CBLIF: variants seen among roughly 807,000 people sequenced by gnomAD.
CBLIF encodes cobalamin binding intrinsic factor, also known as gastric intrinsic factor (vitamin B synthesis).
CBLIF carries 24 observed loss-of-function variants against 44.9 expected under a neutral mutation model. The ratio of observed to expected loss-of-function variants is 0.53; its 90% CI spans 0.39 to 0.75. The LOEUF is 0.75. Ranked by LOEUF, CBLIF falls within the 30% of genes least tolerant of loss-of-function variation. The pLI, the probability that CBLIF is intolerant of heterozygous loss-of-function variation, is 0.00. For missense variants in CBLIF, 481 were observed against 513.0 expected (o/e 0.94, Z 0.60); for synonymous variants, 183 against 190.9 (o/e 0.96, Z 0.34).
chr11:59,842,043 TGAG>T (rs1206468888), intron 4 of CBLIF, among the ~76,000 whole-genome samples: 3 of 152,086 alleles, frequency 2.0e-5, no homozygotes, highest in African/African-American at 7.2e-5. Flanking sequence ...TTGGATGTAA[TGAG>T]GAGAAGCATC....
chr11:59,837,428 T>G lies in CBLIF; in HGVS notation c.694-77A>C, dbSNP rs1206270068. ...GTTGGCTCTTACATGTCTTAAGAGA[T>G]AAACTTGATCACTAATCATGGTGAT... On this transcript the variant is annotated intron_variant, in intron 5 of 8. Transcript: ENST00000257248. 4.7e-6 allele frequency: 5 copies of G among 1,053,682 alleles called. No homozygotes were observed. The South Asian group carries it at 6.5e-5, about 14-fold the overall frequency. The allele number at this position is 1,053,682 out of a possible 1,614,324, so 65.3% of individuals were successfully genotyped here. A position where few individuals can be genotyped will look rare whatever the true frequency, so the allele number is the denominator to read the frequency against.
At position 59,836,420 on chromosome 11, in the gene CBLIF, C is replaced by T. The variant is rs191102874; in HGVS notation, c.872-411G>A. ...AAGAGTTTGAGGAATCCATACCAAA[C>T]ACTAGTAATCTCTGGAGTAATAAGT... On this transcript the variant is annotated intron_variant, in intron 6 of 8. Transcript: ENST00000257248. 8.5e-5 allele frequency among the ~76,000 whole-genome samples: 13 copies of T among 152,246 alleles called. No homozygotes were observed. The East Asian group carries it at 1.3e-3, about 16-fold the overall frequency.
intron 7 of CBLIF, among the ~76,000 whole-genome samples, chr11:59,834,238 CTTT>C (rs1397625599): frequency 7.3e-6 from 1 of 137,120 alleles, no homozygotes; most frequent in African/African-American, 2.8e-5. Context: ...TTCTTTCTTT[CTTT>C]TTCTTTCTTT....
intron 5 of CBLIF, among the ~76,000 whole-genome samples, chr11:59,837,728 C>A (rs1866473790): frequency 6.6e-6 from 1 of 152,130 alleles, no homozygotes; most frequent in Admixed American, 6.6e-5. Context: ...TTGCCATGTG[C>A]CCTCTTTGAT....
chr11:59,829,974 A>G (rs1866348206), intron 8 of CBLIF, among the ~76,000 whole-genome samples: 1 of 152,212 alleles, frequency 6.6e-6, no homozygotes, highest in Admixed American at 6.5e-5. Flanking sequence ...CATTCAAGGG[A>G]GAACTTCCTG....
chr11:59,830,451 A>T (rs1047535820), intron 8 of CBLIF, among the ~76,000 whole-genome samples: 8 of 151,922 alleles, frequency 5.3e-5, no homozygotes, highest in African/African-American at 1.9e-4. Context: ...GTTAGCCAGG[A>T]TGGTCTTGAT....
At chr11:59,842,978 T>G (rs1308049493) in intron 3 of CBLIF, 50 bp downstream of exon 3, 3 of 1,166,548 alleles carry the variant, frequency 2.6e-6, no homozygotes, top group Non-Finnish European at 3.9e-6. Flanking sequence ...TTAAAATTCT[T>G]AGGTAAAACC....
rs748054265 is a variant in CBLIF, at chr11:59,836,030, A to G, written c.872-21T>C. ...ATGATCTGTGAAGGGCAAAGAGGCC[A>G]CATTTGTCAAAGATTATGGGGTTTG... On this transcript the variant is annotated intron_variant, in intron 6 of 8. Transcript: ENST00000257248. The G allele has an allele frequency of 1.9e-6, 3 of 1,596,940 alleles. No homozygotes were observed. The East Asian group carries it at 6.7e-5, about 36-fold the overall frequency.
chr11:59,842,348 T>C, intron 4 of CBLIF, 95 bp downstream of exon 4: 1 of 1,355,394 alleles, frequency 7.4e-7, no homozygotes, highest in Non-Finnish European at 1.1e-6. Context: ...TCCTCCTCCA[T>C]GGGACGCTCT....
intron 5 of CBLIF, among the ~76,000 whole-genome samples, chr11:59,837,871 T>G (rs954473033): frequency 5.9e-5 from 9 of 152,162 alleles, no homozygotes; most frequent in Non-Finnish European, 7.4e-5. Flanking sequence ...GGTGGACACA[T>G]GTACTAATCA....
intron 1 of CBLIF, 56 bp downstream of exon 1, chr11:59,845,319 G>T (rs1340929291): frequency 1.2e-6 from 2 of 1,606,890 alleles, no homozygotes; most frequent in Non-Finnish European, 1.7e-6. Flanking sequence ...AGAGGTCACA[G>T]CCCCTTCCCC....
Position 59,837,364 on chromosome 11 carries a change from AC to A in CBLIF, c.694-14del. 6.2e-7 allele frequency: 1 copy of A among 1,603,602 alleles called. No homozygotes were observed. The highest frequency in any genetic ancestry group is 8.5e-7 in the Non-Finnish European group (1 of 1,170,526). ...TTACAGAGAGAGCCTGGGAAGGAAG[AC>A]AGAAAGAGAGAGAAAGAGTAATTAG... On this transcript the variant is annotated splice_polypyrimidine_tract_variant and intron_variant, in intron 5 of 8. Coordinates refer to ENST00000257248, the MANE Select transcript of CBLIF (RefSeq NM_005142.3).
intron 1 of CBLIF, among the ~76,000 whole-genome samples, 177 bp from the exon 2 acceptor site, chr11:59,844,232 G>T (rs1388335621): frequency 6.6e-6 from 1 of 152,122 alleles, no homozygotes; most frequent in Non-Finnish European, 1.5e-5. Flanking sequence ...CTGCCTCCCA[G>T]GTTCAAGTGA....
At chr11:59,842,302 A>G in intron 4 of CBLIF, 141 bp downstream of exon 4, 1 of 888,778 alleles carries the variant, frequency 1.1e-6, no homozygotes, top group African/African-American at 1.6e-5. Flanking sequence ...CATCTGGTAA[A>G]TATCTCCCAT....
Position 59,842,465 on chromosome 11 carries a change from G to A in CBLIF, c.489C>T (p.Ala163=). 1 of 1,613,794 alleles carries A rather than the reference G, an allele frequency of 6.2e-7. No individual in the cohort carries two copies. The highest frequency in any genetic ancestry group is 8.5e-7 in the Non-Finnish European group (1 of 1,180,034). ...IAVRFAKTLL[A]NSSPFNVDTG... is the part of the protein sequence containing the mutation. ...CACCTACATTGAAGGGAGAGGAGTTGGCCAGCAGGGTCTTGGCAAAGCGGA... is the reference window on the plus strand; with the variant it reads ...CACCTACATTGAAGGGAGAGGAGTTAGCCAGCAGGGTCTTGGCAAAGCGGA... The change falls in exon 4 of 9, where the codon GCC becomes GCT. Residue 163 remains alanine, a synonymous_variant. Coordinates refer to ENST00000257248, the MANE Select transcript of CBLIF (RefSeq NM_005142.3).
chr11:59,831,479 TTATATATATATATATA>T, intron 8 of CBLIF, 183 bp downstream of exon 8: 1 of 206,956 alleles, frequency 4.8e-6, no homozygotes, highest in East Asian at 1.2e-4. Flanking sequence ...TATGTAATGA[TTATATATATATATATA>T]TATACACAAA....
rs80116401 is a variant in CBLIF at position 59,830,948 on chromosome 11, A to T, written c.1192+730T>A. ...ATACATGATTGATTCTAAGAAAAAC[A>T]TCTCCTCCACTGTAATATTGGATAA... On this transcript the variant is annotated intron_variant, in intron 8 of 8. Transcript: ENST00000257248. Among the ~76,000 whole-genome samples, 971 of 152,334 alleles carry T rather than the reference A, an allele frequency of 6.4e-3. 11 individuals carry two copies. Among genetic ancestry groups the T allele is most frequent in the African/African-American group, 0.021 (868 of 41,576 alleles).
chr11:59,831,798 T>A lies in CBLIF; in HGVS notation c.1074-2A>T. 1 of 1,450,760 alleles carries A rather than the reference T, an allele frequency of 6.9e-7. No individual in the cohort carries two copies. Among genetic ancestry groups the A allele is most frequent in the Non-Finnish European group, 9.7e-7 (1 of 1,031,300 alleles). 89.9% of individuals were successfully genotyped at this position (1,450,760 alleles called of 1,614,324 possible). A position where few individuals can be genotyped will look rare whatever the true frequency, so the allele number is the denominator to read the frequency against. ...CAAGATGTCATTGTGGTTTCAAATC[T>A]AAAAAAAAGTTTATATATGATTAAC... On this transcript the variant is annotated splice_acceptor_variant, in intron 7 of 8. Transcript: ENST00000257248. LOFTEE classifies it high-confidence loss of function.
rs1226708084 is a variant in CBLIF at position 59,837,319 on chromosome 11, C to T, written c.726G>A (p.Lys242=). Residue 242 remains lysine (K), a synonymous_variant, in exon 6 of 9, where the codon AAG becomes AAA. Transcript: ENST00000257248. The stretch of plus-strand genomic sequence containing the variant: ...CCGTAGTCTTCTTGCAGTTCCATTC[C>T]TTTTTAGATGGCTCAGGTGTTACAG... The part of the protein sequence containing the change: ...ALSVTPEPSK[K]EWNCKKTTDM... 1 of 1,613,276 alleles carries T rather than the reference C, an allele frequency of 6.2e-7. No individual in the cohort carries two copies. The highest frequency in any genetic ancestry group is 8.5e-7 in the Non-Finnish European group (1 of 1,179,410).
Sources: gnomAD v4.1 joint callset for allele counts (sites outside exome capture counted in the v4.1 genomes callset) on GRCh38, gnomAD v4.1.1 for gene constraint, MANE v1.5 for transcripts, NCBI Gene and HGNC (gene_info 2026-07-23, HGNC 2026-07-21) for gene names.